KIFC3: variants seen among roughly 807,000 people sequenced by gnomAD.
KIFC3 encodes kinesin family member C3, also known as kinesin-like protein KIFC3.
KIFC3 carries 60 observed loss-of-function variants against 101.8 expected under a neutral mutation model. The ratio of observed to expected loss-of-function variants is 0.59; its 90% confidence interval spans 0.48 to 0.73. The LOEUF is 0.73. Among genes scored for constraint, KIFC3 ranks in the 30% least tolerant of loss-of-function variants. The probability of loss-of-function intolerance (pLI) is 0.00; values close to 1 mark genes in which losing one functional copy is unlikely to be tolerated. For synonymous variants in KIFC3, 476 were observed against 482.7 expected, an observed-to-expected ratio of 0.99 and a Z score of 0.18; for missense variants, 966 against 1,137.1, an observed-to-expected ratio of 0.85 and a Z score of 2.16.
chr16:57,810,367 C>T (rs1598186874), intron 1 of KIFC3, among the ~76,000 whole-genome samples: 1 of 152,224 alleles, frequency 6.6e-6, no homozygotes, highest in Non-Finnish European at 1.5e-5. Context: ...TGCGCAGCCT[C>T]TCCCCTAGCT....
intron 1 of KIFC3, among the ~76,000 whole-genome samples, chr16:57,834,192 T>A (rs1005299692): frequency 6.6e-6 from 1 of 152,154 alleles, no homozygotes; most frequent in African/African-American, 2.4e-5. Flanking sequence ...ATATACATAC[T>A]ATAGCTTAGC....
At chr16:57,841,737 G>A (rs1230616897) in intron 1 of KIFC3, among the ~76,000 whole-genome samples, 1 of 152,102 alleles carries the variant, frequency 6.6e-6, no homozygotes. Context: ...AGACCTTATA[G>A]CATTTGCCAA....
At chr16:57,785,932 C>A (rs1167073880) in intron 3 of KIFC3, among the ~76,000 whole-genome samples, 1 of 152,084 alleles carries the variant, frequency 6.6e-6, no homozygotes, top group Non-Finnish European at 1.5e-5. Context: ...CTGAATACGG[C>A]TCTCAAAGCA....
At chr16:57,856,665 A>T (rs902478278) in intron 1 of KIFC3, among the ~76,000 whole-genome samples, 2 of 152,218 alleles carry the variant, frequency 1.3e-5, no homozygotes, top group Non-Finnish European at 2.9e-5. Flanking sequence ...ACAAAGAAAA[A>T]GAGGGAAGAC....
At chr16:57,847,813 TCTCA>T (rs1325639218) in intron 1 of KIFC3, among the ~76,000 whole-genome samples, 2 of 144,958 alleles carry the variant, frequency 1.4e-5, no homozygotes, top group African/African-American at 5.1e-5. Context: ...TGAGACCGAG[TCTCA>T]CTCTGTTGCC....
At chr16:57,847,798 G>T (rs2055966342) in intron 1 of KIFC3, among the ~76,000 whole-genome samples, 1 of 150,674 alleles carries the variant, frequency 6.6e-6, no homozygotes, top group African/African-American at 2.5e-5. Flanking sequence ...GTGTGTGTGT[G>T]TGTGTGAGAC....
intron 1 of KIFC3, among the ~76,000 whole-genome samples, chr16:57,858,133 A>G (rs879496518): frequency 7.9e-5 from 12 of 151,922 alleles, no homozygotes; most frequent in Non-Finnish European, 1.3e-4. Context: ...TTCTTTATCC[A>G]GTCTATCATT....
chr16:57,833,456 A>T (rs2055623939), intron 1 of KIFC3, among the ~76,000 whole-genome samples: 1 of 152,164 alleles, frequency 6.6e-6, no homozygotes, highest in Admixed American at 6.5e-5. Flanking sequence ...TCCCACAGGA[A>T]TGAGCCCTGC....
chr16:57,816,986 T>C (rs78848944), intron 1 of KIFC3: 3,320 of 326,778 alleles, frequency 0.01, 113 homozygotes, highest in African/African-American at 0.066. Context: ...GGAGCACTTT[T>C]TCTGAATTAT....
rs1555608196 is a variant in KIFC3 at position 57,771,430 on chromosome 16, G to C, written c.533C>G (p.Ala178Gly). The C allele has an allele frequency of 1.2e-6, 2 of 1,613,442 alleles. No homozygotes were observed. The highest frequency in any genetic ancestry group is 4.5e-5 in the East Asian group (2 of 44,898). The stretch of plus-strand genomic sequence containing the variant: ...CTGGGACAGCTTGTCACGGAGCTGG[G>C]CGCTCTCCTGCAGCCATTGGGAGGC... ...CPGCEHSQESAQLRDKLSQLQ... is the reference protein window; with the variant it reads ...CPGCEHSQESGQLRDKLSQLQ... The change falls in exon 6 of 20, where the codon GCC becomes GGC. Residue 178 changes from alanine (A) to glycine (G), a missense_variant. Ala to Gly is a moderately conservative substitution (Grantham distance 60). Around this residue, in one of 2 missense-constraint regions of KIFC3, gnomAD observed 277 missense variants for 252.5 expected, o/e 1.10. Transcript: ENST00000445690.
At chr16:57,759,509 C>T (rs1482690291) in intron 18 of KIFC3, 6 of 580,876 alleles carry the variant, frequency 1.0e-5, no homozygotes, top group East Asian at 2.9e-5. Context: ...CTTACACTGC[C>T]CCCTTCCCAC....
At chr16:57,813,671 C>A in intron 1 of KIFC3, 1 of 985,272 alleles carries the variant, frequency 1.0e-6, no homozygotes, top group African/African-American at 1.7e-5. Context: ...GCAAACCTCC[C>A]ACCTGGCATC....
intron 2 of KIFC3, among the ~76,000 whole-genome samples, chr16:57,795,791 C>T (rs1274861260): frequency 2.6e-5 from 4 of 152,120 alleles, no homozygotes; most frequent in Non-Finnish European, 4.4e-5. Flanking sequence ...ACTGCAGAGC[C>T]ACTACCCTGG....
At chr16:57,790,873 AC>A in intron 3 of KIFC3, 2 of 982,632 alleles carry the variant, frequency 2.0e-6, no homozygotes, top group African/African-American at 3.5e-5. Context: ...CCCAAAATTC[AC>A]CCCCTCCCTC....
At chr16:57,791,668 C>G (rs1317419239) in intron 3 of KIFC3, among the ~76,000 whole-genome samples, 1 of 152,168 alleles carries the variant, frequency 6.6e-6, no homozygotes, top group Non-Finnish European at 1.5e-5. Context: ...AGTAGATCTG[C>G]TGACCCCAGG....
chr16:57,771,766 A>G, intron 4 of KIFC3, 80 bp from the exon 5 acceptor site: 1 of 1,501,654 alleles, frequency 6.7e-7, no homozygotes, highest in Admixed American at 2.1e-5. Context: ...CGGAGATGGC[A>G]CAAGGGCAGG....
intron 3 of KIFC3, among the ~76,000 whole-genome samples, chr16:57,772,589 C>T (rs942579533): frequency 2.0e-5 from 3 of 152,174 alleles, no homozygotes; most frequent in African/African-American, 4.8e-5. Context: ...TGGGCCCACC[C>T]AACGGCAGCC....
intron 1 of KIFC3, among the ~76,000 whole-genome samples, chr16:57,818,550 C>T (rs2055281029): frequency 1.3e-5 from 2 of 152,000 alleles, no homozygotes; most frequent in South Asian, 2.1e-4. Flanking sequence ...TTTGTGGAGA[C>T]TGGATCTCAC....
At position 57,770,647 on chromosome 16, in the gene KIFC3, G is replaced by A. The variant is rs567713573; in HGVS notation, c.819C>T (p.Ser273=). Residue 273 remains serine (S), a synonymous_variant, in exon 7 of 20, where the codon AGC becomes AGT. Transcript: ENST00000445690. ...GGTGCTGGTTCCGGGCCTGGGACTCGCTGAGGGCCTGCTTGGTCTTGGACG... is the reference window on the plus strand; with the variant it reads ...GGTGCTGGTTCCGGGCCTGGGACTCACTGAGGGCCTGCTTGGTCTTGGACG... The part of the protein sequence containing the change: ...VESSKTKQAL[S]ESQARNQHLQ... The A allele has an allele frequency of 1.1e-4, 177 of 1,555,972 alleles. 4 individuals are homozygous for A. The South Asian group carries it at 1.9e-3, about 17-fold the overall frequency.
Sources: allele counts gnomAD v4.1 joint callset (sites outside exome capture counted in the v4.1 genomes callset), GRCh38; gene constraint gnomAD v4.1.1; regional missense constraint gnomAD v4.1.1; transcripts MANE v1.5; gene names NCBI Gene and HGNC (gene_info 2026-07-23, HGNC 2026-07-21).